Variants in DPP10 observed in about 807,000 individuals in gnomAD.
DPP10 encodes dipeptidyl peptidase like 10.
In DPP10, 33 loss-of-function variants were observed where a neutral mutation model predicts 120.9. The observed-to-expected ratio is 0.27, with a 90% confidence interval of 0.21 to 0.37. The LOEUF is 0.37. Among genes scored for constraint, DPP10 ranks in the 10% least tolerant of loss-of-function variants. The pLI is 1.00. For synonymous variants in DPP10, 337 were observed against 326.1 expected (o/e 1.03, Z -0.36); for missense variants, 816 against 942.8 (o/e 0.87, Z 1.76).
intron 1 of DPP10, among the ~76,000 whole-genome samples, chr2:115,261,158 C>T (rs891864170): frequency 2.6e-5 from 4 of 152,174 alleles, no homozygotes; most frequent in African/African-American, 7.2e-5. Flanking sequence ...CAACAAAAAA[C>T]GCAGAGCATG....
chr2:115,116,263 T>G (rs1487480378), intron 1 of DPP10, among the ~76,000 whole-genome samples: 1 of 152,210 alleles, frequency 6.6e-6, no homozygotes, highest in Non-Finnish European at 1.5e-5. Flanking sequence ...AAACCAAGTT[T>G]TTTTCAGTGC....
intron 1 of DPP10, among the ~76,000 whole-genome samples, chr2:114,866,660 A>T (rs1191908625): frequency 6.6e-6 from 1 of 152,210 alleles, no homozygotes; most frequent in Non-Finnish European, 1.5e-5. Context: ...ACAACTAATA[A>T]GTGTTAGAGG....
chr2:114,745,355 T>A (rs1361627301), intron 1 of DPP10, among the ~76,000 whole-genome samples: 1 of 152,158 alleles, frequency 6.6e-6, no homozygotes, highest in Admixed American at 6.5e-5. Context: ...AAACAATAGA[T>A]TTTGTTTATT....
chr2:115,122,946 A>T (rs1455894239), intron 1 of DPP10, among the ~76,000 whole-genome samples: 1 of 152,146 alleles, frequency 6.6e-6, no homozygotes, highest in Non-Finnish European at 1.5e-5. Context: ...CATTCTGGGC[A>T]TTGGTTAGTA....
intron 3 of DPP10, among the ~76,000 whole-genome samples, chr2:115,482,134 T>C (rs2075471526): frequency 6.6e-6 from 1 of 152,006 alleles, no homozygotes; most frequent in African/African-American, 2.4e-5. Context: ...ATCTCAGTTG[T>C]TTCCGTTTTG....
intron 3 of DPP10, among the ~76,000 whole-genome samples, chr2:115,459,628 T>G (rs1456538196): frequency 6.6e-6 from 1 of 152,050 alleles, no homozygotes; most frequent in Non-Finnish European, 1.5e-5. Context: ...GCTCTCTCCT[T>G]AACTGACTAC....
At chr2:115,690,601 C>T (rs191401066) in intron 7 of DPP10, among the ~76,000 whole-genome samples, 11 of 152,056 alleles carry the variant, frequency 7.2e-5, no homozygotes, top group South Asian at 2.1e-4. Context: ...TTAGTAGAGA[C>T]GGGGTTTTAC....
intron 2 of DPP10, among the ~76,000 whole-genome samples, chr2:115,334,230 G>GTTTTTTTCTTTTTTTTTTTTTTTTTT (rs2062969707): frequency 1.8e-5 from 1 of 56,412 alleles, no homozygotes; most frequent in Admixed American, 2.5e-4. Flanking sequence ...AGCAGACTCT[G>GTTTTTTTCTTTTTTTTTTTTTTTTTT]TTTTTTTTTT....
chr2:115,246,644 C>T (rs187210939), intron 1 of DPP10, among the ~76,000 whole-genome samples: 4 of 152,002 alleles, frequency 2.6e-5, no homozygotes, highest in South Asian at 4.2e-4. Flanking sequence ...GGCGACAGAA[C>T]GGAGGGAAAC....
intron 11 of DPP10, among the ~76,000 whole-genome samples, chr2:115,761,529 G>T (rs1680112959): frequency 6.6e-6 from 1 of 151,960 alleles, no homozygotes; most frequent in Non-Finnish European, 1.5e-5. Flanking sequence ...AGCTCTCAGG[G>T]GTTCTACCAA....
chr2:114,452,378 G>A (rs1678335014), intron 1 of DPP10, among the ~76,000 whole-genome samples: 1 of 152,110 alleles, frequency 6.6e-6, no homozygotes, highest in Non-Finnish European at 1.5e-5. Context: ...GATCTCTCTT[G>A]ATGGCTCACA....
chr2:115,747,189 A>G (rs1263130541), intron 10 of DPP10, among the ~76,000 whole-genome samples: 1 of 152,168 alleles, frequency 6.6e-6, no homozygotes, highest in Non-Finnish European at 1.5e-5. Context: ...AGTGAGAGTA[A>G]ATGATTTAGA....
At chr2:115,555,636 G>A (rs1260125497) in intron 5 of DPP10, among the ~76,000 whole-genome samples, 1 of 152,020 alleles carries the variant, frequency 6.6e-6, no homozygotes. Context: ...AGCTCTTACT[G>A]TTTCTGATTT....
At chr2:114,896,069 C>G (rs1692942307) in intron 1 of DPP10, among the ~76,000 whole-genome samples, 1 of 152,090 alleles carries the variant, frequency 6.6e-6, no homozygotes. Flanking sequence ...TTTCTGAGGG[C>G]TCTGTTCTGT....
intron 1 of DPP10, among the ~76,000 whole-genome samples, chr2:114,577,402 A>G (rs1690140474): frequency 6.6e-6 from 1 of 152,194 alleles, no homozygotes; most frequent in Non-Finnish European, 1.5e-5. Flanking sequence ...ATAAATTGAA[A>G]GCAGAGTGGA....
chr2:114,858,629 T>C (rs1208799741), intron 1 of DPP10, among the ~76,000 whole-genome samples: 1 of 152,200 alleles, frequency 6.6e-6, no homozygotes. Flanking sequence ...CAGAGTTTCA[T>C]GATCCATTGA....
intron 3 of DPP10, among the ~76,000 whole-genome samples, chr2:115,471,467 C>T (rs565809351): frequency 1.3e-5 from 2 of 152,150 alleles, no homozygotes; most frequent in South Asian, 2.1e-4. Flanking sequence ...TTGGCCCTTA[C>T]CTTGCTCTCT....
intron 1 of DPP10, among the ~76,000 whole-genome samples, chr2:114,534,887 C>T (rs1227238819): frequency 6.6e-6 from 1 of 152,158 alleles, no homozygotes; most frequent in Non-Finnish European, 1.5e-5. Context: ...CCAAACATGA[C>T]TGGGATGCCC....
intron 3 of DPP10, among the ~76,000 whole-genome samples, chr2:115,426,442 C>T (rs866514493): frequency 2.1e-4 from 9 of 41,868 alleles, no homozygotes; most frequent in Non-Finnish European, 3.1e-4. Flanking sequence ...CCACCTCCGA[C>T]GCTGGAGATG....
Sources: gnomAD v4.1 joint callset for allele counts (sites outside exome capture counted in the v4.1 genomes callset) on GRCh38, gnomAD v4.1.1 for gene constraint, MANE v1.5 for transcripts, NCBI Gene and HGNC (gene_info 2026-07-23, HGNC 2026-07-21) for gene names.